The following MYO3A variants were observed in gnomAD, a reference collection of about 807,000 sequenced individuals.
MYO3A encodes myosin IIIA, also known as myosin-IIIa.
A neutral mutation model predicts 192.7 loss-of-function variants in MYO3A; 180 were observed. The ratio of observed to expected loss-of-function variants is 0.93; its 90% confidence interval spans 0.83 to 1.06. The LOEUF (loss-of-function observed/expected upper bound fraction) is 1.06, where lower values mean the gene tolerates loss of function less well. Among genes scored for constraint, MYO3A ranks in the 50% least tolerant of loss-of-function variants. MYO3A has a pLI of 0.00. For missense variants in MYO3A, 1,896 were observed against 1,905.0 expected, an observed-to-expected ratio of 1.00 and a Z score of 0.09; for synonymous variants, 628 against 645.3, an observed-to-expected ratio of 0.97 and a Z score of 0.41.
At chr10:26,170,683 C>T in intron 29 of MYO3A, 144 bp downstream of exon 29, 1 of 844,614 alleles carries the variant, frequency 1.2e-6, no homozygotes, top group Admixed American at 2.7e-5. Context: ...CCAGAGGCTA[C>T]TTTTGTGTTC....
At chr10:26,041,494 CTCTTCCTTCTTT>C (rs1398623053) in intron 10 of MYO3A, among the ~76,000 whole-genome samples, 2 of 151,892 alleles carry the variant, frequency 1.3e-5, no homozygotes, top group African/African-American at 2.4e-5. Context: ...TTGTGGTCTT[CTCTTCCTTCTTT>C]TCTTCCTTCT....
At position 26,212,112 on chromosome 10, in the gene MYO3A, G is replaced by A; in HGVS notation, c.*149G>A. ...GCTGCCTGCTGCGCTCGGCCCTCAAGTGCCCGGGCCGGCCTTCGTGCTCCG... is the reference window on the plus strand; with the variant it reads ...GCTGCCTGCTGCGCTCGGCCCTCAAATGCCCGGGCCGGCCTTCGTGCTCCG... On this transcript the variant is annotated 3_prime_UTR_variant, in exon 35 of 35. Transcript: ENST00000642920. 8.2e-7 allele frequency: 1 copy of A among 1,224,324 alleles called. No individual in the cohort carries two copies. The highest frequency in any genetic ancestry group is 2.6e-5 in the East Asian group (1 of 38,364). The allele number at this position is 1,224,324 out of a possible 1,614,324, so 75.8% of individuals were successfully genotyped here. A position where few individuals can be genotyped will look rare whatever the true frequency, so the allele number is the denominator to read the frequency against.
intron 28 of MYO3A, among the ~76,000 whole-genome samples, chr10:26,169,250 A>T (rs756843778): frequency 6.6e-6 from 1 of 152,096 alleles, no homozygotes; most frequent in Non-Finnish European, 1.5e-5. Flanking sequence ...TTGACAACTT[A>T]AATCTTATTT....
intron 4 of MYO3A, among the ~76,000 whole-genome samples, chr10:25,994,662 C>T (rs1215058367): frequency 6.6e-6 from 1 of 152,114 alleles, no homozygotes; most frequent in Non-Finnish European, 1.5e-5. Flanking sequence ...TGTTCCTTTC[C>T]ATGTTTAGTG....
intron 21 of MYO3A, 53 bp from the exon 22 acceptor site, chr10:26,145,392 AT>A: frequency 7.9e-7 from 1 of 1,262,004 alleles, no homozygotes; most frequent in South Asian, 1.2e-5. Context: ...TTTTCGCAGT[AT>A]TTTTTGAGGA....
intron 18 of MYO3A, among the ~76,000 whole-genome samples, chr10:26,123,404 A>G (rs138507654): frequency 6.6e-6 from 1 of 152,226 alleles, no homozygotes; most frequent in Non-Finnish European, 1.5e-5. Flanking sequence ...GCAATTTTCA[A>G]ACTAAGCAAC....
At chr10:26,199,906 T>A (rs1430720011) in intron 32 of MYO3A, among the ~76,000 whole-genome samples, 1 of 152,176 alleles carries the variant, frequency 6.6e-6, no homozygotes, top group African/African-American at 2.4e-5. Flanking sequence ...TGTAGGAAAC[T>A]ACTACTGAAG....
At chr10:25,972,572 CT>C (rs1838722275) in intron 4 of MYO3A, among the ~76,000 whole-genome samples, 1 of 152,140 alleles carries the variant, frequency 6.6e-6, no homozygotes, top group Non-Finnish European at 1.5e-5. Flanking sequence ...AGTCTTCGTA[CT>C]AAGTTCCCTG....
intron 12 of MYO3A, among the ~76,000 whole-genome samples, chr10:26,069,458 A>G (rs1835060383): frequency 6.6e-6 from 1 of 152,060 alleles, no homozygotes; most frequent in Non-Finnish European, 1.5e-5. Flanking sequence ...TTCATTTTTA[A>G]TTGGACTCAT....
At chr10:26,123,750 C>T (rs1839016144) in intron 18 of MYO3A, among the ~76,000 whole-genome samples, 2 of 152,086 alleles carry the variant, frequency 1.3e-5, no homozygotes, top group South Asian at 4.1e-4. Flanking sequence ...CACAGTGAAA[C>T]CCCGTCTCTA....
chr10:26,054,553 T>G (rs758574495), intron 10 of MYO3A, among the ~76,000 whole-genome samples: 3 of 152,162 alleles, frequency 2.0e-5, no homozygotes, highest in Admixed American at 2.0e-4. Flanking sequence ...CTGGGATCTG[T>G]GAATATTACT....
chr10:26,058,356 A>C (rs559956079), intron 10 of MYO3A, among the ~76,000 whole-genome samples: 67 of 152,266 alleles, frequency 4.4e-4, no homozygotes, highest in Admixed American at 2.8e-3. Flanking sequence ...CTATTGTCTG[A>C]ATGTACTAGA....
intron 17 of MYO3A, among the ~76,000 whole-genome samples, chr10:26,110,530 G>C (rs781101410): frequency 6.6e-5 from 10 of 152,142 alleles, no homozygotes; most frequent in Non-Finnish European, 8.8e-5. Flanking sequence ...AGCAAAGGTT[G>C]TCAGGATGTC....
chr10:26,134,282 T>A (rs1216600089), intron 20 of MYO3A, among the ~76,000 whole-genome samples: 1 of 152,196 alleles, frequency 6.6e-6, no homozygotes, highest in African/African-American at 2.4e-5. Flanking sequence ...TGTCATATTC[T>A]GAATTAATGA....
At chr10:26,089,245 G>A (rs556215073) in intron 15 of MYO3A, among the ~76,000 whole-genome samples, 1 of 152,226 alleles carries the variant, frequency 6.6e-6, no homozygotes, top group South Asian at 2.1e-4. Context: ...AGTAAGTCAT[G>A]AATAGAAGTT....
intron 29 of MYO3A, 116 bp downstream of exon 29, chr10:26,170,655 T>C: frequency 8.7e-7 from 1 of 1,144,388 alleles, no homozygotes; most frequent in Non-Finnish European, 1.3e-6. Context: ...TACTGACACA[T>C]CAAATGTCAG....
At chr10:26,198,695 G>A (rs896188901) in intron 32 of MYO3A, among the ~76,000 whole-genome samples, 2 of 152,154 alleles carry the variant, frequency 1.3e-5, no homozygotes, top group African/African-American at 4.8e-5. Context: ...GCTGGAGGGG[G>A]AGTGCAATGT....
chr10:26,087,728 T>G (rs1836424679), intron 14 of MYO3A, among the ~76,000 whole-genome samples: 1 of 152,232 alleles, frequency 6.6e-6, no homozygotes, highest in South Asian at 2.1e-4. Flanking sequence ...TTCATACTTC[T>G]GAGCTGTTCT....
intron 4 of MYO3A, among the ~76,000 whole-genome samples, chr10:25,956,762 A>G (rs1053001186): frequency 1.3e-5 from 2 of 151,972 alleles, no homozygotes; most frequent in African/African-American, 4.8e-5. Flanking sequence ...AATTTTAAGT[A>G]CAGGAGTACA....
Sources: gnomAD v4.1 joint callset for allele counts (sites outside exome capture counted in the v4.1 genomes callset) on GRCh38, gnomAD v4.1.1 for gene constraint, MANE v1.5 for transcripts, NCBI Gene and HGNC (gene_info 2026-07-23, HGNC 2026-07-21) for gene names.